Variants in THSD7A observed in about 807,000 individuals in gnomAD.
THSD7A encodes the protein thrombospondin type-1 domain-containing protein 7A.
In THSD7A, 96 loss-of-function variants were observed where a neutral mutation model predicts 231.3. The ratio of observed to expected loss-of-function variants is 0.41; its 90% CI spans 0.35 to 0.49. The LOEUF is 0.49. THSD7A is among the 20% of genes least tolerant of loss of function. The pLI, the probability that THSD7A is intolerant of heterozygous loss-of-function variation, is 0.05. For synonymous variants in THSD7A, 940 were observed against 743.3 expected (o/e 1.26, Z -4.30); for missense variants, 2,290 against 2,070.2 (o/e 1.11, Z -2.06).
chr7:11,510,183 T>C (rs1202000093), intron 6 of THSD7A, among the ~76,000 whole-genome samples: 1 of 152,056 alleles, frequency 6.6e-6, no homozygotes, highest in African/African-American at 2.4e-5. Context: ...AGAAACTGTT[T>C]TAAATTCCTG....
At chr7:11,735,218 A>T (rs998062877) in intron 1 of THSD7A, among the ~76,000 whole-genome samples, 3 of 151,906 alleles carry the variant, frequency 2.0e-5, no homozygotes, top group Non-Finnish European at 4.4e-5. Context: ...TTAAGAATAT[A>T]TTAGTTGGTG....
intron 1 of THSD7A, chr7:11,821,277 GA>G: frequency 9.7e-7 from 1 of 1,030,518 alleles, no homozygotes; most frequent in Non-Finnish European, 1.5e-6. Context: ...GTATGTGCTG[GA>G]AAATGGAACG....
intron 1 of THSD7A, among the ~76,000 whole-genome samples, chr7:11,693,934 C>A (rs1780311431): frequency 6.6e-6 from 1 of 151,528 alleles, no homozygotes; most frequent in African/African-American, 2.4e-5. Flanking sequence ...ATTTTTGTAG[C>A]AATTTATTTC....
intron 1 of THSD7A, among the ~76,000 whole-genome samples, chr7:11,746,766 A>T: frequency 6.6e-6 from 1 of 151,508 alleles, no homozygotes; most frequent in East Asian, 1.9e-4. Flanking sequence ...CTCTTTCCAT[A>T]CTCCCTTATT....
intron 23 of THSD7A, among the ~76,000 whole-genome samples, chr7:11,392,430 G>T (rs1196681174): frequency 6.6e-6 from 1 of 152,174 alleles, no homozygotes; most frequent in Non-Finnish European, 1.5e-5. Context: ...CAGGGCCTTG[G>T]GTTTCAAGCA....
chr7:11,677,381 A>G (rs950959546), intron 1 of THSD7A, among the ~76,000 whole-genome samples: 1 of 152,002 alleles, frequency 6.6e-6, no homozygotes, highest in African/African-American at 2.4e-5. Flanking sequence ...CTAACCAGCT[A>G]ACATCATAAT....
At chr7:11,752,433 C>T (rs562871889) in intron 1 of THSD7A, among the ~76,000 whole-genome samples, 96 of 152,122 alleles carry the variant, frequency 6.3e-4, no homozygotes, top group African/African-American at 2.1e-3. Context: ...AAAGCAATAT[C>T]AGTCCTTTTT....
intron 2 of THSD7A, among the ~76,000 whole-genome samples, chr7:11,608,416 G>C (rs1197765010): frequency 6.6e-6 from 1 of 152,082 alleles, no homozygotes; most frequent in African/African-American, 2.4e-5. Context: ...ATGAGAGGGA[G>C]AGAGAAACTA....
chr7:11,779,054 C>G (rs1303606507), intron 1 of THSD7A, among the ~76,000 whole-genome samples: 2 of 152,064 alleles, frequency 1.3e-5, no homozygotes, highest in Non-Finnish European at 2.9e-5. Context: ...TAGGTTAAGT[C>G]TCTAATGGGT....
At chr7:11,758,556 A>G (rs1782756514) in intron 1 of THSD7A, among the ~76,000 whole-genome samples, 1 of 152,056 alleles carries the variant, frequency 6.6e-6, no homozygotes. Context: ...AGCAGCTCAA[A>G]ATGGGGAGTA....
intron 6 of THSD7A, among the ~76,000 whole-genome samples, chr7:11,538,751 C>T (rs1789020186): frequency 6.6e-6 from 1 of 152,070 alleles, no homozygotes; most frequent in Non-Finnish European, 1.5e-5. Context: ...TCTCTTACAT[C>T]CCTCTGTTTT....
intron 9 of THSD7A, among the ~76,000 whole-genome samples, chr7:11,462,985 C>T (rs1170672870): frequency 6.6e-6 from 1 of 152,100 alleles, no homozygotes; most frequent in Non-Finnish European, 1.5e-5. Context: ...CGATGAATAG[C>T]TGCATGGCAC....
intron 13 of THSD7A, among the ~76,000 whole-genome samples, chr7:11,440,928 A>G (rs1583746641): frequency 6.6e-6 from 1 of 152,068 alleles, no homozygotes; most frequent in East Asian, 1.9e-4. Context: ...ATCAAACAAC[A>G]TTGCATGCAA....
At chr7:11,715,718 G>T (rs1383917805) in intron 1 of THSD7A, among the ~76,000 whole-genome samples, 1 of 151,358 alleles carries the variant, frequency 6.6e-6, no homozygotes, top group South Asian at 2.1e-4. Flanking sequence ...TAATATTTCT[G>T]CAGAAGCCCA....
rs1393580110 is a variant in THSD7A at position 11,464,198 on chromosome 7, C to T, written c.2369-2055G>A. 5.3e-5 allele frequency among the ~76,000 whole-genome samples: 8 copies of T among 151,756 alleles called. No homozygotes were observed. The South Asian group carries it at 8.3e-4, about 16-fold the overall frequency. On this transcript the variant is annotated intron_variant, in intron 9 of 27. Transcript: ENST00000423059. ...AAAGTATACAAACTAATTAGACTCA[C>T]ATTTGTTTAACATTGGGGGAAGCAG...
At chr7:11,800,512 G>T (rs1220114484) in intron 1 of THSD7A, among the ~76,000 whole-genome samples, 1 of 152,114 alleles carries the variant, frequency 6.6e-6, no homozygotes, top group Non-Finnish European at 1.5e-5. Flanking sequence ...TTGTGCTGTT[G>T]CACTCTAGCC....
chr7:11,644,831 T>G (rs141984533), intron 1 of THSD7A, among the ~76,000 whole-genome samples: 1 of 152,076 alleles, frequency 6.6e-6, no homozygotes, highest in African/African-American at 2.4e-5. Context: ...CTCATAACAC[T>G]ACCTGACCCA....
At chr7:11,426,511 AAC>A (rs1784325872) in intron 15 of THSD7A, among the ~76,000 whole-genome samples, 153 bp downstream of exon 15, 1 of 152,186 alleles carries the variant, frequency 6.6e-6, no homozygotes, top group Admixed American at 6.5e-5. Flanking sequence ...AGAAAAATAA[AAC>A]AGTTATAGAA....
At chr7:11,491,873 G>A (rs184109326) in intron 6 of THSD7A, among the ~76,000 whole-genome samples, 9 of 152,130 alleles carry the variant, frequency 5.9e-5, no homozygotes, top group South Asian at 2.1e-4. Flanking sequence ...GCCTTGCAAC[G>A]CTCTTTTTGG....
Sources: allele counts gnomAD v4.1 joint callset (sites outside exome capture counted in the v4.1 genomes callset), GRCh38; gene constraint gnomAD v4.1.1; transcripts MANE v1.5; gene names NCBI Gene and HGNC (gene_info 2026-07-23, HGNC 2026-07-21).